Variants in PSMF1 observed in about 807,000 individuals in gnomAD.
PSMF1 encodes the protein proteasome inhibitor PI31 subunit.
Under a neutral mutation model 29.3 loss-of-function variants are expected in PSMF1, and 30 were observed. That is an observed-to-expected ratio of 1.02 (90% confidence interval 0.77 to 1.39). The LOEUF (loss-of-function observed/expected upper bound fraction) is 1.39, where lower values mean the gene tolerates loss of function less well. PSMF1 is among the 40% of genes most tolerant of loss of function. PSMF1 has a pLI of 0.00. For synonymous variants in PSMF1, 134 were observed against 139.7 expected (o/e 0.96, Z 0.29); for missense variants, 344 against 357.5 (o/e 0.96, Z 0.31).
chr20:1,137,688 C>G (rs1322873960), intron 4 of PSMF1, among the ~76,000 whole-genome samples: 2 of 152,172 alleles, frequency 1.3e-5, no homozygotes, highest in Non-Finnish European at 2.9e-5. Flanking sequence ...AGTGTTGGAC[C>G]TTGTTTGGAT....
chr20:1,128,170 T>C (rs939175436), intron 3 of PSMF1, among the ~76,000 whole-genome samples: 2 of 152,244 alleles, frequency 1.3e-5, no homozygotes, highest in Non-Finnish European at 2.9e-5. Context: ...TTTCCCTAAC[T>C]GCTGGCAACC....
Position 1,166,098 on chromosome 20 carries a change from TG to T in PSMF1, c.*1022del. 1 of 1,535,406 alleles carries T rather than the reference TG, an allele frequency of 6.5e-7. No homozygotes were observed. The highest frequency in any genetic ancestry group is 8.8e-7 in the Non-Finnish European group (1 of 1,136,594). On this transcript the variant is annotated 3_prime_UTR_variant, in exon 7 of 7. Transcript: ENST00000335877. ...CTAACTCTGTGGTTTTTGGACCCCA[TG>T]GGGCCCAGACAGAGCACAGGAGCAT...
Position 1,166,062 on chromosome 20 carries a change from G to A in PSMF1, c.*982G>A. On this transcript the variant is annotated 3_prime_UTR_variant, in exon 7 of 7. Transcript: ENST00000335877. ...AGGCCATACTTCCCTTGAACCTTGT[G>A]TGGTTCTTGCCTAACTCTGTGGTTT... 4 of 1,492,798 alleles carry A rather than the reference G, an allele frequency of 2.7e-6. No homozygotes were observed. Among genetic ancestry groups the A allele is most frequent in the Non-Finnish European group, 3.6e-6 (4 of 1,116,972 alleles). 92.5% of individuals were successfully genotyped at this position (1,492,798 alleles called of 1,614,324 possible).
At chr20:1,122,120 AT>A (rs1466967220) in intron 1 of PSMF1, among the ~76,000 whole-genome samples, 1 of 152,036 alleles carries the variant, frequency 6.6e-6, no homozygotes, top group Non-Finnish European at 1.5e-5. Context: ...AATTATCTTT[AT>A]TCTCTTAGGG....
chr20:1,120,285 T>A (rs1268197673), intron 1 of PSMF1, among the ~76,000 whole-genome samples: 1 of 152,078 alleles, frequency 6.6e-6, no homozygotes, highest in Non-Finnish European at 1.5e-5. Context: ...AACTCACACA[T>A]ACTTCATCTC....
At chr20:1,121,131 T>TC in intron 1 of PSMF1, among the ~76,000 whole-genome samples, 1 of 149,708 alleles carries the variant, frequency 6.7e-6, no homozygotes, top group East Asian at 2.0e-4. Flanking sequence ...TTTAATAGTT[T>TC]TTTTTTTTTT....
At chr20:1,159,470 C>A (rs2122598013) in intron 4 of PSMF1, among the ~76,000 whole-genome samples, 1 of 152,308 alleles carries the variant, frequency 6.6e-6, no homozygotes, top group Admixed American at 6.5e-5. Flanking sequence ...CCTGCAACTG[C>A]CTTTCTAGCC....
At chr20:1,160,847 C>T in intron 4 of PSMF1, 1 of 463,658 alleles carries the variant, frequency 2.2e-6, no homozygotes, top group East Asian at 5.5e-5. Flanking sequence ...TCTGGCACCA[C>T]ACCCTACAAC....
upstream of PSMF1, among the ~76,000 whole-genome samples, chr20:1,116,447 A>C (rs1180932811): frequency 6.6e-6 from 1 of 152,240 alleles, no homozygotes; most frequent in African/African-American, 2.4e-5. Context: ...TCTCTGCAGA[A>C]GGGGTTCAAG....
intron 4 of PSMF1, among the ~76,000 whole-genome samples, chr20:1,143,836 A>T (rs913729318): frequency 1.3e-5 from 2 of 152,184 alleles, no homozygotes; most frequent in African/African-American, 4.8e-5. Context: ...CATGCCTGTA[A>T]TCCCAGTACT....
intron 2 of PSMF1, 151 bp from the exon 3 acceptor site, chr20:1,127,275 G>A (rs1189431116): frequency 1.3e-6 from 1 of 781,578 alleles, no homozygotes; most frequent in African/African-American, 1.7e-5. Context: ...CCAAGCCTTA[G>A]GAAGGTATTT....
intron 2 of PSMF1, chr20:1,125,875 A>C (rs756786601): frequency 3.7e-5 from 26 of 701,974 alleles, no homozygotes; most frequent in South Asian, 3.6e-4. Context: ...TTCTGTCAAC[A>C]GGGGAATGGT....
chr20:1,166,268 G>A lies in PSMF1; in HGVS notation c.*1188G>A. Reference sequence around the variant, plus strand: ...CGCGGGCAGTGATGAGCCCTGTTCTGGAGTGGAAAGAGCACGATAGAGCAC... The same window carrying A: ...CGCGGGCAGTGATGAGCCCTGTTCTAGAGTGGAAAGAGCACGATAGAGCAC... On this transcript the variant is annotated 3_prime_UTR_variant, in exon 7 of 7. Coordinates refer to ENST00000335877, the MANE Select transcript of PSMF1 (RefSeq NM_006814.5). The A allele has an allele frequency of 6.2e-7, 1 of 1,611,818 alleles. No individual in the cohort carries two copies. Among genetic ancestry groups the A allele is most frequent in the Non-Finnish European group, 8.5e-7 (1 of 1,179,352 alleles).
At position 1,140,218 on chromosome 20, in the gene PSMF1, A is replaced by G. The variant is rs75509915; in HGVS notation, c.551+4912A>G. On this transcript the variant is annotated intron_variant, in intron 4 of 6. Transcript: ENST00000335877. ...TTTCAAAACTTATTACAAAGCTTCA[A>G]TCATCAGGACCGTGTGGCACTGGCA... is the stretch of plus-strand genomic sequence containing the variant. Among the ~76,000 whole-genome samples, 731 of 152,340 alleles carry G rather than the reference A, an allele frequency of 4.8e-3. 7 individuals are homozygous for G. The highest frequency in any genetic ancestry group is 0.016 in the African/African-American group (669 of 41,580).
At chr20:1,141,848 TA>T (rs528872891) in intron 4 of PSMF1, among the ~76,000 whole-genome samples, 163 of 152,306 alleles carry the variant, frequency 1.1e-3, no homozygotes, top group Non-Finnish European at 1.9e-3. Flanking sequence ...ATACAAAAGT[TA>T]ATTGTATTTT....
intron 4 of PSMF1, among the ~76,000 whole-genome samples, chr20:1,141,450 T>C (rs1247373340): frequency 2.0e-5 from 3 of 152,246 alleles, no homozygotes; most frequent in African/African-American, 4.8e-5. Flanking sequence ...TCCAAGAGAA[T>C]TGATAATAAC....
chr20:1,147,488 A>T (rs142829468), intron 4 of PSMF1, among the ~76,000 whole-genome samples: 144 of 152,318 alleles, frequency 9.5e-4, no homozygotes, highest in African/African-American at 3.2e-3. Flanking sequence ...TACAAATTCA[A>T]TGTAGTGTAG....
chr20:1,129,384 T>C (rs1267102184), intron 3 of PSMF1, among the ~76,000 whole-genome samples: 1 of 152,220 alleles, frequency 6.6e-6, no homozygotes, highest in East Asian at 1.9e-4. Context: ...TTGCATTTAA[T>C]AGTATCTAAT....
At chr20:1,159,664 C>G (rs1289422791) in intron 4 of PSMF1, among the ~76,000 whole-genome samples, 1 of 152,218 alleles carries the variant, frequency 6.6e-6, no homozygotes, top group Non-Finnish European at 1.5e-5. Flanking sequence ...GCTTACTGCC[C>G]TCTGGCACCA....
Sources: gnomAD v4.1 joint callset for allele counts (sites outside exome capture counted in the v4.1 genomes callset) on GRCh38, gnomAD v4.1.1 for gene constraint, MANE v1.5 for transcripts, NCBI Gene and HGNC (gene_info 2026-07-23, HGNC 2026-07-21) for gene names.